The following FILIP1 variants were observed in gnomAD, a reference collection of about 807,000 sequenced individuals.
The protein encoded by FILIP1 is filamin-A-interacting protein 1.
In FILIP1, 61 loss-of-function variants were observed where a neutral mutation model predicts 102.1. The observed-to-expected ratio is 0.60, with a 90% CI of 0.49 to 0.74. FILIP1 has a LOEUF of 0.74. Ranked by LOEUF, FILIP1 falls within the 30% of genes least tolerant of loss-of-function variation. The pLI, the probability that FILIP1 is intolerant of heterozygous loss-of-function variation, is 0.00. For synonymous variants in FILIP1, 491 were observed against 526.9 expected, an observed-to-expected ratio of 0.93 and a Z score of 0.93; for missense variants, 1,314 against 1,441.2, an observed-to-expected ratio of 0.91 and a Z score of 1.43.
At chr6:75,418,573 C>G (rs531932780) in intron 1 of FILIP1, among the ~76,000 whole-genome samples, 1 of 152,222 alleles carries the variant, frequency 6.6e-6, no homozygotes, top group South Asian at 2.1e-4. Context: ...GGGTAGCAGG[C>G]AGGTAACAGA....
intron 4 of FILIP1, among the ~76,000 whole-genome samples, chr6:75,331,538 A>G (rs1271083946): frequency 2.0e-5 from 3 of 152,190 alleles, no homozygotes; most frequent in Non-Finnish European, 2.9e-5. Flanking sequence ...TCCTTTAAAT[A>G]TAGGCTACTT....
intron 2 of FILIP1, among the ~76,000 whole-genome samples, chr6:75,371,805 A>T (rs955334557): frequency 6.6e-6 from 1 of 152,254 alleles, no homozygotes; most frequent in Non-Finnish European, 1.5e-5. Flanking sequence ...TGCAGCATAT[A>T]CAAAAAGTAA....
intron 1 of FILIP1, among the ~76,000 whole-genome samples, chr6:75,490,757 G>A (rs146080336): frequency 6.6e-6 from 1 of 152,054 alleles, no homozygotes; most frequent in East Asian, 1.9e-4. Context: ...CCACAATTGG[G>A]TACATGAGTG....
intron 1 of FILIP1, among the ~76,000 whole-genome samples, chr6:75,452,825 T>C (rs551154004): frequency 1.3e-5 from 2 of 152,358 alleles, no homozygotes; most frequent in East Asian, 3.9e-4. Context: ...TTTTCCCAAA[T>C]AGTCTATAGT....
intron 1 of FILIP1, among the ~76,000 whole-genome samples, chr6:75,491,230 A>AAAAGCTGGGGC (rs1237425520): frequency 6.6e-6 from 1 of 152,116 alleles, no homozygotes; most frequent in African/African-American, 2.4e-5. Context: ...CAGGGAGAAT[A>AAAAGCTGGGGC]AAAGCTGGGG....
intron 2 of FILIP1, among the ~76,000 whole-genome samples, chr6:75,402,773 G>A (rs1776701793): frequency 6.6e-6 from 1 of 152,136 alleles, no homozygotes; most frequent in South Asian, 2.1e-4. Context: ...TAGTATTGTA[G>A]TGGTAATATC....
At chr6:75,406,955 G>A (rs1038105099) in intron 2 of FILIP1, among the ~76,000 whole-genome samples, 1 of 151,758 alleles carries the variant, frequency 6.6e-6, no homozygotes, top group African/African-American at 2.4e-5. Flanking sequence ...ACCGCACCTG[G>A]CATCAGCAAT....
chr6:75,372,056 T>C (rs1775537164), intron 2 of FILIP1, among the ~76,000 whole-genome samples: 2 of 152,096 alleles, frequency 1.3e-5, no homozygotes, highest in South Asian at 4.1e-4. Context: ...GCATATCGTA[T>C]GTGCAATAAG....
chr6:75,471,737 C>T (rs75580429), intron 1 of FILIP1, among the ~76,000 whole-genome samples: 3,023 of 152,184 alleles, frequency 0.02, 50 homozygotes, highest in South Asian at 0.045. Context: ...GAAGACCATG[C>T]TGCAATTTTC....
chr6:75,330,411 T>C (rs1774035773), intron 4 of FILIP1, among the ~76,000 whole-genome samples: 1 of 152,182 alleles, frequency 6.6e-6, no homozygotes, highest in Admixed American at 6.5e-5. Context: ...TTTTTTCTCC[T>C]CTTGTCTTAT....
chr6:75,317,812 T>C (rs891102125), intron 4 of FILIP1, among the ~76,000 whole-genome samples: 2 of 152,230 alleles, frequency 1.3e-5, no homozygotes, highest in Non-Finnish European at 2.9e-5. Context: ...ATTCTCTGTG[T>C]GCTCCCAAAA....
At chr6:75,358,066 T>C (rs1775061057) in intron 3 of FILIP1, among the ~76,000 whole-genome samples, 1 of 152,220 alleles carries the variant, frequency 6.6e-6, no homozygotes, top group Non-Finnish European at 1.5e-5. Flanking sequence ...GAGATAATCA[T>C]AACACCAAAT....
chr6:75,300,076 T>A (rs370458589), intron 6 of FILIP1, among the ~76,000 whole-genome samples: 36 of 152,272 alleles, frequency 2.4e-4, no homozygotes, highest in African/African-American at 7.9e-4. Flanking sequence ...AAGTAATTCA[T>A]GTTTATACTC....
Position 75,339,768 on chromosome 6 carries a change from C to T in FILIP1, c.629+13771G>A, listed in dbSNP as rs916499688. The stretch of plus-strand genomic sequence containing the variant: ...TTTGAGACCAGCCTGGCCAATAGGG[C>T]GAAACCCAGTCTCTACTAAAAATAC... On this transcript the variant is annotated intron_variant, in intron 4 of 5. Transcript: ENST00000237172. Among the ~76,000 whole-genome samples, 4 of 151,960 alleles carry T rather than the reference C, an allele frequency of 2.6e-5. No homozygotes were observed. The South Asian group carries it at 6.2e-4, about 24-fold the overall frequency.
intron 4 of FILIP1, among the ~76,000 whole-genome samples, chr6:75,345,780 C>T (rs3935857): frequency 0.68 from 102,585 of 151,894 alleles, 34,816 homozygotes; most frequent in Middle Eastern, 0.77. Flanking sequence ...CTCCTTTCTT[C>T]TGCCTATTGA....
At position 75,313,953 on chromosome 6, in the gene FILIP1, T is replaced by C. The variant is rs995412675; in HGVS notation, c.1879A>G (p.Asn627Asp). 4 of 1,609,312 alleles carry C rather than the reference T, an allele frequency of 2.5e-6. No individual in the cohort carries two copies. In the African/African-American group the frequency reaches 5.4e-5, roughly 22 times the overall value. ...TCAAGTGTTAGTTCCTTAATCTTAT[T>C]ATCTTCCGGGCAGGTGAGCTCAGAC... ...KGSELTCPED[N>D]KIKELTLEIE... The change falls in exon 5 of 6, where the codon AAT (asparagine) becomes GAT (aspartate). Residue 627 changes from asparagine to aspartate, a missense_variant. Asn to Asp is a conservative substitution (Grantham distance 23). Transcript: ENST00000237172. The surrounding 1 kb of genome is among the most constrained non-coding windows in gnomAD (Gnocchi z 4.2).
intron 1 of FILIP1, among the ~76,000 whole-genome samples, chr6:75,466,760 C>G (rs960091465): frequency 6.6e-6 from 1 of 152,142 alleles, no homozygotes; most frequent in African/African-American, 2.4e-5. Context: ...TACAGTAGCC[C>G]CTAGTCACAT....
At chr6:75,335,549 G>C (rs1774215996) in intron 4 of FILIP1, among the ~76,000 whole-genome samples, 1 of 150,344 alleles carries the variant, frequency 6.7e-6, no homozygotes, top group Non-Finnish European at 1.5e-5. Flanking sequence ...TTCTCCCTGA[G>C]AGAGTGTATG....
At chr6:75,379,299 A>C (rs189610529) in intron 2 of FILIP1, among the ~76,000 whole-genome samples, 61 of 152,328 alleles carry the variant, frequency 4.0e-4, no homozygotes, top group African/African-American at 1.4e-3. Context: ...AATACATATT[A>C]CAAGGAATAT....
Sources: gnomAD v4.1 joint callset for allele counts (sites outside exome capture counted in the v4.1 genomes callset) on GRCh38, gnomAD v4.1.1 for gene constraint, Gnocchi (gnomAD v3.1) non-coding constraint, MANE v1.5 for transcripts, NCBI Gene and HGNC (gene_info 2026-07-23, HGNC 2026-07-21) for gene names.